ADAMTSL1: variants seen among roughly 807,000 people sequenced by gnomAD.
ADAMTSL1 encodes the protein ADAMTS like 1, also known as ADAMTS-like protein 1.
Under a neutral mutation model 201.8 loss-of-function variants are expected in ADAMTSL1, and 126 were observed. That is an observed-to-expected ratio of 0.62 (90% CI 0.54 to 0.72). The LOEUF (loss-of-function observed/expected upper bound fraction) is 0.72. Ranked by LOEUF, ADAMTSL1 falls within the 30% of genes least tolerant of loss-of-function variation. The pLI, the probability that ADAMTSL1 is intolerant of heterozygous loss-of-function variation, is 0.00. For synonymous variants in ADAMTSL1, 1,121 were observed against 903.4 expected (o/e 1.24, Z -4.32); for missense variants, 2,679 against 2,277.8 (o/e 1.18, Z -3.59).
intron 1 of ADAMTSL1, among the ~76,000 whole-genome samples, chr9:18,084,094 C>A (rs1248111738): frequency 6.6e-6 from 1 of 152,198 alleles, no homozygotes; most frequent in East Asian, 1.9e-4. Context: ...GTTTCCCTAC[C>A]TCCCAAACAA....
At chr9:18,308,936 A>G (rs1476864075) in intron 2 of ADAMTSL1, among the ~76,000 whole-genome samples, 3 of 152,222 alleles carry the variant, frequency 2.0e-5, no homozygotes, top group Admixed American at 1.3e-4. Context: ...AAAATCTTCA[A>G]TAAAACACTG....
intron 2 of ADAMTSL1, among the ~76,000 whole-genome samples, chr9:18,219,322 C>T (rs906174790): frequency 6.6e-6 from 1 of 150,662 alleles, no homozygotes; most frequent in Non-Finnish European, 1.5e-5. Context: ...CCTATGAATC[C>T]AATATATATT....
intron 2 of ADAMTSL1, among the ~76,000 whole-genome samples, chr9:18,253,229 G>A (rs1300329398): frequency 6.6e-6 from 1 of 152,142 alleles, no homozygotes; most frequent in Non-Finnish European, 1.5e-5. Flanking sequence ...GTCTGTATGG[G>A]TATACATAAA....
intron 2 of ADAMTSL1, among the ~76,000 whole-genome samples, chr9:18,254,619 T>C (rs1048969854): frequency 2.4e-4 from 37 of 151,576 alleles, no homozygotes; most frequent in Non-Finnish European, 4.0e-4. Context: ...CGCCTCGGCC[T>C]CCCAAAGTGC....
chr9:18,597,262 CAG>C (rs1824328792), intron 4 of ADAMTSL1, among the ~76,000 whole-genome samples: 1 of 152,172 alleles, frequency 6.6e-6, no homozygotes, highest in African/African-American at 2.4e-5. Context: ...GGCTGTGAAA[CAG>C]AGCCTGTTGA....
intron 2 of ADAMTSL1, among the ~76,000 whole-genome samples, chr9:18,177,911 A>G (rs1828248475): frequency 6.6e-6 from 1 of 152,196 alleles, no homozygotes; most frequent in Non-Finnish European, 1.5e-5. Context: ...CAATAATTGA[A>G]TAAAATCCCC....
intron 1 of ADAMTSL1, among the ~76,000 whole-genome samples, chr9:18,155,747 T>A (rs1479846240): frequency 6.6e-6 from 1 of 151,988 alleles, no homozygotes. Context: ...TTCCTTGGCA[T>A]CGTGGAGACT....
In ADAMTSL1 at chr9:18,407,485, A is replaced by C. The variant is rs145040855; in HGVS notation, c.208-97344A>C. ...TTCTTTCAGAGGGAAGATGGGGGAT[A>C]AACATTGAGTAAACCCATGAAGAGG... On this transcript the variant is annotated intron_variant, in intron 2 of 29. Transcript: ENST00000680146. 1.1e-3 allele frequency among the ~76,000 whole-genome samples: 164 copies of C among 152,346 alleles called. 1 individual carries two copies. Among genetic ancestry groups the C allele is most frequent in the Non-Finnish European group, 1.9e-3 (132 of 68,040 alleles).
At chr9:18,342,442 G>A (rs1313424211) in intron 2 of ADAMTSL1, among the ~76,000 whole-genome samples, 1 of 152,106 alleles carries the variant, frequency 6.6e-6, no homozygotes, top group African/African-American at 2.4e-5. Flanking sequence ...CATGGCAAAA[G>A]GACTAAGAGG....
At chr9:18,155,523 A>T (rs1827113907) in intron 1 of ADAMTSL1, among the ~76,000 whole-genome samples, 1 of 152,102 alleles carries the variant, frequency 6.6e-6, no homozygotes, top group Non-Finnish European at 1.5e-5. Context: ...GGCCCAACAC[A>T]AATTTGTAAA....
At chr9:17,992,188 T>C (rs942768737) in intron 1 of ADAMTSL1, among the ~76,000 whole-genome samples, 2 of 152,118 alleles carry the variant, frequency 1.3e-5, no homozygotes, top group Non-Finnish European at 1.5e-5. Context: ...CTTTCCTGGT[T>C]ATATTCCAGG....
chr9:17,956,644 T>G (rs936708524), intron 1 of ADAMTSL1, among the ~76,000 whole-genome samples: 2 of 152,158 alleles, frequency 1.3e-5, no homozygotes, highest in African/African-American at 4.8e-5. Flanking sequence ...CTGGAAAGCC[T>G]TCTCTGTATG....
intron 1 of ADAMTSL1, among the ~76,000 whole-genome samples, chr9:17,959,050 T>C (rs1161011157): frequency 1.3e-5 from 2 of 152,212 alleles, no homozygotes; most frequent in Non-Finnish European, 2.9e-5. Flanking sequence ...TAATTTAATA[T>C]AATTACTACT....
At chr9:18,690,524 G>A (rs893320180) in intron 13 of ADAMTSL1, among the ~76,000 whole-genome samples, 1 of 152,102 alleles carries the variant, frequency 6.6e-6, no homozygotes, top group Non-Finnish European at 1.5e-5. Context: ...TGAATATCTT[G>A]TTTATGTGTA....
At chr9:18,816,720 CTTTTTTTTTTT>C (rs751791974) in intron 20 of ADAMTSL1, among the ~76,000 whole-genome samples, 2 of 39,720 alleles carry the variant, frequency 5.0e-5, no homozygotes, top group South Asian at 1.5e-3. Flanking sequence ...AACCCTTGGT[CTTTTTTTTTTT>C]TTTTTTTTTT....
rs192810884 is a variant in ADAMTSL1 at position 18,576,058 on chromosome 9, G to T, written c.474+1792G>T. 3.3e-5 allele frequency among the ~76,000 whole-genome samples: 5 copies of T among 152,066 alleles called. No individual in the cohort carries two copies. In the East Asian group the frequency reaches 9.7e-4, roughly 29 times the overall value. On this transcript the variant is annotated intron_variant, in intron 4 of 28. Coordinates refer to ENST00000380548, the MANE Select transcript of ADAMTSL1 (RefSeq NM_001040272.6). ...TATGGAGTGATAGTACTGGACTTTGGGTTACAAGTATAAACATGCTTTAAC... is the reference window on the plus strand; with the variant it reads ...TATGGAGTGATAGTACTGGACTTTGTGTTACAAGTATAAACATGCTTTAAC...
At chr9:18,489,400 G>A (rs1822157853) in intron 1 of ADAMTSL1, among the ~76,000 whole-genome samples, 1 of 152,152 alleles carries the variant, frequency 6.6e-6, no homozygotes, top group Non-Finnish European at 1.5e-5. Flanking sequence ...GGTGCCTAAT[G>A]TGAAGATGAT....
chr9:18,543,203 G>T (rs944076228), intron 3 of ADAMTSL1, among the ~76,000 whole-genome samples: 1 of 152,158 alleles, frequency 6.6e-6, no homozygotes, highest in Non-Finnish European at 1.5e-5. Context: ...AATGTAGGAT[G>T]GTGACTAAAC....
intron 1 of ADAMTSL1, among the ~76,000 whole-genome samples, chr9:17,994,909 G>A (rs553525101): frequency 2.6e-5 from 4 of 152,264 alleles, no homozygotes; most frequent in East Asian, 1.9e-4. Context: ...ATGAGACCTC[G>A]CCCTTTACAG....
Sources: allele counts gnomAD v4.1 joint callset (sites outside exome capture counted in the v4.1 genomes callset), GRCh38; gene constraint gnomAD v4.1.1; transcripts MANE v1.5; gene names NCBI Gene and HGNC (gene_info 2026-07-23, HGNC 2026-07-21).